The following RYR3 variants were observed in gnomAD, a reference collection of about 807,000 sequenced individuals.
RYR3 encodes ryanodine receptor 3.
In RYR3, 207 loss-of-function variants were observed where a neutral mutation model predicts 584.3. The observed-to-expected ratio is 0.35, with a 90% CI of 0.32 to 0.40. The LOEUF (loss-of-function observed/expected upper bound fraction) is 0.40. Ranked by LOEUF, RYR3 falls within the 10% of genes least tolerant of loss-of-function variation. The pLI is 1.00. For missense variants in RYR3, 5,616 were observed against 6,089.2 expected, an observed-to-expected ratio of 0.92 and a Z score of 2.59; for synonymous variants, 2,416 against 2,248.5, an observed-to-expected ratio of 1.07 and a Z score of -2.11.
At chr15:33,564,833 ACT>A (rs770233530) in intron 11 of RYR3, among the ~76,000 whole-genome samples, 1 of 151,648 alleles carries the variant, frequency 6.6e-6, no homozygotes, top group East Asian at 1.9e-4. Flanking sequence ...GCTTTTATAA[ACT>A]CTCTCCAGCT....
chr15:33,488,483 C>G (rs1418890183), intron 2 of RYR3, among the ~76,000 whole-genome samples: 1 of 137,916 alleles, frequency 7.3e-6, no homozygotes, highest in Non-Finnish European at 1.5e-5. Context: ...TAGAACATCT[C>G]TTTTCTAGGT....
At chr15:33,425,019 G>A (rs2044506767) in intron 1 of RYR3, among the ~76,000 whole-genome samples, 1 of 152,162 alleles carries the variant, frequency 6.6e-6, no homozygotes, top group South Asian at 2.1e-4. Flanking sequence ...ACTTGGCATG[G>A]TTAGGATTGT....
intron 69 of RYR3, among the ~76,000 whole-genome samples, chr15:33,805,698 C>G (rs975506546): frequency 4.0e-5 from 6 of 151,590 alleles, no homozygotes; most frequent in African/African-American, 1.5e-4. Context: ...AGGATGGTCT[C>G]GATCTCCTGA....
chr15:33,593,538 G>A (rs894926940), intron 16 of RYR3, among the ~76,000 whole-genome samples: 2 of 152,182 alleles, frequency 1.3e-5, no homozygotes, highest in African/African-American at 4.8e-5. Flanking sequence ...TATGAAAGTG[G>A]CTTATGTACG....
At chr15:33,397,876 G>C (rs2042392307) in intron 1 of RYR3, among the ~76,000 whole-genome samples, 1 of 152,104 alleles carries the variant, frequency 6.6e-6, no homozygotes, top group Non-Finnish European at 1.5e-5. Context: ...GAAGAGGGGG[G>C]TGTAATGAGG....
chr15:33,630,775 C>A (rs1495278), intron 22 of RYR3, among the ~76,000 whole-genome samples: 140,750 of 152,288 alleles, frequency 0.92, 65,138 homozygotes, highest in Middle Eastern at 0.98. Flanking sequence ...CCATGGAATT[C>A]GAAGAGGCAT....
chr15:33,692,273 G>T (rs1210444408), intron 38 of RYR3, among the ~76,000 whole-genome samples: 1 of 152,084 alleles, frequency 6.6e-6, no homozygotes, highest in African/African-American at 2.4e-5. Flanking sequence ...GCTTGCTAGG[G>T]GTATAAAGCT....
intron 35 of RYR3, 98 bp from the exon 36 acceptor site, chr15:33,663,439 A>T: frequency 2.0e-6 from 2 of 1,018,954 alleles, no homozygotes; most frequent in South Asian, 1.5e-5. Flanking sequence ...GTGGCAATTT[A>T]CTTTGTCTAA....
Position 33,746,057 on chromosome 15 carries a change from C to T in RYR3, c.7900-11C>T. On this transcript the variant is annotated splice_polypyrimidine_tract_variant and intron_variant, in intron 52 of 103. Transcript: ENST00000634891. ...GTGCCAAGGATATTTGAACTGAGAACATTTCTACAGAGTCAGAGTGGATGG... is the reference window on the plus strand; with the variant it reads ...GTGCCAAGGATATTTGAACTGAGAATATTTCTACAGAGTCAGAGTGGATGG... 3 of 1,569,630 alleles carry T rather than the reference C, an allele frequency of 1.9e-6. No individual in the cohort carries two copies. Among genetic ancestry groups the T allele is most frequent in the East Asian group, 4.6e-5 (2 of 43,460 alleles).
intron 1 of RYR3, among the ~76,000 whole-genome samples, chr15:33,464,931 C>T (rs1357596235): frequency 6.6e-6 from 1 of 152,162 alleles, no homozygotes; most frequent in Non-Finnish European, 1.5e-5. Context: ...CCATTCTACT[C>T]TGCATCTATG....
At chr15:33,566,248 C>A (rs1428225284) in intron 11 of RYR3, among the ~76,000 whole-genome samples, 2 of 152,186 alleles carry the variant, frequency 1.3e-5, no homozygotes, top group African/African-American at 4.8e-5. Flanking sequence ...AAGCCTAATC[C>A]CAGTACAGAA....
chr15:33,444,458 G>A (rs912734123), intron 1 of RYR3, among the ~76,000 whole-genome samples: 3 of 152,126 alleles, frequency 2.0e-5, no homozygotes, highest in African/African-American at 7.2e-5. Context: ...AGTGGCTATC[G>A]ACTGAGTACT....
intron 44 of RYR3, 22 bp downstream of exon 44, chr15:33,722,917 C>A: frequency 6.5e-7 from 1 of 1,536,794 alleles, no homozygotes; most frequent in Non-Finnish European, 8.8e-7. Flanking sequence ...GAATTCCCTT[C>A]CGGCACAGAT....
intron 10 of RYR3, among the ~76,000 whole-genome samples, chr15:33,562,348 C>T (rs183950169): frequency 3.2e-4 from 49 of 152,328 alleles, no homozygotes; most frequent in African/African-American, 1.1e-3. Context: ...TTCAAAGGGT[C>T]TCCTTTCTCT....
intron 1 of RYR3, among the ~76,000 whole-genome samples, chr15:33,466,760 T>G (rs954499230): frequency 1.3e-5 from 2 of 152,230 alleles, no homozygotes; most frequent in Admixed American, 6.5e-5. Flanking sequence ...ATAAGCATAT[T>G]TGTTAATATA....
chr15:33,458,784 A>G (rs919644212), intron 1 of RYR3, among the ~76,000 whole-genome samples: 5 of 152,198 alleles, frequency 3.3e-5, no homozygotes, highest in Non-Finnish European at 7.3e-5. Context: ...TTTTAGAGTA[A>G]TGTACCAAAT....
In RYR3 at chr15:33,757,525, C is replaced by G. The variant is rs1488184976; in HGVS notation, c.8634C>G (p.Phe2878Leu). 1 of 1,611,088 alleles carries G rather than the reference C, an allele frequency of 6.2e-7. No homozygotes were observed. Among genetic ancestry groups the G allele is most frequent in the East Asian group, 2.2e-5 (1 of 44,784 alleles). ...DQYFTSHCLY[F>L]LSSPLKPLSS... ...ACTTCACCAGTCATTGCCTCTACTT[C>G]TTGTCATCCCCTCTGAAGCCCCTTA... The change falls in exon 60 of 104, where the codon TTC becomes TTG. Residue 2878 changes from phenylalanine (F) to leucine (L), a missense_variant. Coordinates refer to ENST00000634891, the MANE Select transcript of RYR3 (RefSeq NM_001036.6).
rs1188536603 is a variant in RYR3, at chr15:33,821,537, A to G, written c.10930A>G (p.Met3644Val). 2 of 1,613,942 alleles carry G rather than the reference A, an allele frequency of 1.2e-6. No individual in the cohort carries two copies. Among genetic ancestry groups the G allele is most frequent in the East Asian group, 4.5e-5 (2 of 44,866 alleles). ...CACCATGGCAGGTGAGATGAGCCCC[A>G]TGGTGGTTGAGACGCTGAAGCTGGG... ...ISASKGEMSPMVVETLKLGIA... is the reference protein window; with the variant it reads ...ISASKGEMSPVVVETLKLGIA... The change falls in exon 80 of 104, where the codon ATG (methionine) becomes GTG (valine). Residue 3644 changes from methionine (M) to valine (V), a missense_variant. Coordinates refer to ENST00000634891, the MANE Select transcript of RYR3 (RefSeq NM_001036.6).
intron 36 of RYR3, 22 bp from the exon 37 acceptor site, chr15:33,669,332 A>T (rs1566918011): frequency 6.2e-7 from 1 of 1,606,208 alleles, no homozygotes; most frequent in Non-Finnish European, 8.5e-7. Flanking sequence ...CCAACTAGCT[A>T]TTCTTCTCTT....
Sources: allele counts gnomAD v4.1 joint callset (sites outside exome capture counted in the v4.1 genomes callset), GRCh38; gene constraint gnomAD v4.1.1; transcripts MANE v1.5; gene names NCBI Gene and HGNC (gene_info 2026-07-23, HGNC 2026-07-21).